The following TRHDE variants were observed in gnomAD, a reference collection of about 807,000 sequenced individuals.
TRHDE encodes the protein thyrotropin releasing hormone degrading enzyme.
Under a neutral mutation model 125.7 loss-of-function variants are expected in TRHDE, and 72 were observed. The ratio of observed to expected loss-of-function variants is 0.57; its 90% CI spans 0.47 to 0.70. TRHDE has a LOEUF of 0.70. Ranked by LOEUF, TRHDE falls within the 30% of genes least tolerant of loss-of-function variation. TRHDE has a pLI of 0.00. For synonymous variants in TRHDE, 509 were observed against 509.1 expected (o/e 1.00, Z 0.00); for missense variants, 1,110 against 1,327.1 (o/e 0.84, Z 2.54).
Position 72,273,098 on chromosome 12 carries a change from G to T in TRHDE, c.455G>T (p.Trp152Leu), listed in dbSNP as rs1879316210. The change falls in exon 1 of 19, where the codon TGG (tryptophan) becomes TTG (leucine). Residue 152 changes from tryptophan (W) to leucine (L), a missense_variant. Trp to Leu is a moderately conservative substitution (Grantham distance 61). Transcript: ENST00000261180. The surrounding 1 kb of genome is among the most constrained non-coding windows in gnomAD (Gnocchi z 5.3). ...RRNHHAGGDS[W>L]QPEAGGVASP... ...AACCACCACGCAGGCGGGGACTCCT[G>T]GCAGCCCGAGGCGGGTGGGGTGGCC... 2 of 1,519,346 alleles carry T rather than the reference G, an allele frequency of 1.3e-6. No individual in the cohort carries two copies. Among genetic ancestry groups the T allele is most frequent in the Middle Eastern group, 1.9e-4 (1 of 5,312 alleles). 94.1% of individuals were successfully genotyped at this position (1,519,346 alleles called of 1,614,324 possible).
chr12:72,090,207 G>A (rs1874758415), intron 1 of TRHDE, among the ~76,000 whole-genome samples: 1 of 152,108 alleles, frequency 6.6e-6, no homozygotes, highest in Non-Finnish European at 1.5e-5. Context: ...GCATAGTTAG[G>A]TAATAATTTA....
intron 2 of TRHDE, among the ~76,000 whole-genome samples, chr12:72,171,510 G>C (rs1566264288): frequency 1.3e-5 from 2 of 152,196 alleles, no homozygotes; most frequent in South Asian, 2.1e-4. Context: ...CTCTGGTTAG[G>C]GGAGATTGGT....
At chr12:72,199,506 G>T (rs1877512682) in intron 2 of TRHDE, among the ~76,000 whole-genome samples, 4 of 152,138 alleles carry the variant, frequency 2.6e-5, no homozygotes, top group Admixed American at 2.6e-4. Flanking sequence ...ATGTTGAAGG[G>T]TCAAAGAAAA....
rs74522142 is a variant in TRHDE at position 72,211,829 on chromosome 12, G to A, written n.279+106077G>A. ...TACCCTGTAGATGAAGTCTTACAAAGTGCATTTATAACATTATTTCATTTG... is the reference window on the plus strand; with the variant it reads ...TACCCTGTAGATGAAGTCTTACAAAATGCATTTATAACATTATTTCATTTG... On this transcript the variant is annotated intron_variant and non_coding_transcript_variant, in intron 2 of 4. Coordinates refer to the TRHDE transcript ENST00000548156. 7.5e-4 allele frequency among the ~76,000 whole-genome samples: 114 copies of A among 152,214 alleles called. 1 individual carries two copies. In the East Asian group the frequency reaches 0.016, roughly 22 times the overall value.
chr12:72,478,922 C>CAAAAAA (rs67346703), intron 5 of TRHDE, among the ~76,000 whole-genome samples: 48 of 105,934 alleles, frequency 4.5e-4, no homozygotes, highest in East Asian at 1.4e-3. Flanking sequence ...TTTTTTTTAG[C>CAAAAAA]AAAAAAAAAA....
At chr12:72,589,674 A>C (rs965807286) in intron 12 of TRHDE, among the ~76,000 whole-genome samples, 1 of 152,098 alleles carries the variant, frequency 6.6e-6, no homozygotes, top group Non-Finnish European at 1.5e-5. Flanking sequence ...CATCTAGGTC[A>C]TTACAGTCAT....
chr12:72,665,785 CA>C lies in TRHDE; in HGVS notation c.*2592del, dbSNP rs1875094049. On this transcript the variant is annotated 3_prime_UTR_variant, in exon 19 of 19. Transcript: ENST00000261180. ...AAAAAGTAGTTTCAATTAGAAAGGA[CA>C]ACATTATTTATCACATTGAGTATTA... 1 of 152,002 alleles carries C rather than the reference CA, an allele frequency of 6.6e-6. No individual in the cohort carries two copies. The highest frequency in any genetic ancestry group is 1.5e-5 in the Non-Finnish European group (1 of 67,974). The allele number at this position is 152,002 out of a possible 1,614,324, so 9.4% of individuals were successfully genotyped here. A position where few individuals can be genotyped will look rare whatever the true frequency, so the allele number is the denominator to read the frequency against.
At chr12:72,362,866 G>C (rs1335985158) in intron 2 of TRHDE, among the ~76,000 whole-genome samples, 2 of 152,032 alleles carry the variant, frequency 1.3e-5, no homozygotes, top group Non-Finnish European at 1.5e-5. Flanking sequence ...TCAAAGATCG[G>C]ATAGTTGTAG....
At chr12:72,372,169 T>C (rs538383880) in intron 2 of TRHDE, among the ~76,000 whole-genome samples, 4 of 152,340 alleles carry the variant, frequency 2.6e-5, no homozygotes, top group African/African-American at 9.6e-5. Context: ...TTCATGTGTC[T>C]TTTGGCTGCA....
intron 1 of TRHDE, among the ~76,000 whole-genome samples, chr12:72,097,371 A>G (rs1284617608): frequency 2.7e-5 from 4 of 150,352 alleles, no homozygotes; most frequent in African/African-American, 9.8e-5. Context: ...GGAAGGCTTT[A>G]AAGTTCTAGA....
At chr12:72,197,500 T>C (rs1164869083) in intron 2 of TRHDE, among the ~76,000 whole-genome samples, 2 of 152,140 alleles carry the variant, frequency 1.3e-5, no homozygotes, top group African/African-American at 4.8e-5. Context: ...GATAATTAAG[T>C]TTATTAATTG....
chr12:72,444,143 T>A (rs1875159408), intron 3 of TRHDE, among the ~76,000 whole-genome samples: 1 of 151,858 alleles, frequency 6.6e-6, no homozygotes. Context: ...AACAAGGTGC[T>A]CCTGATTTTT....
At chr12:72,611,256 T>C in intron 12 of TRHDE, 1 of 168,720 alleles carries the variant, frequency 5.9e-6, no homozygotes, top group South Asian at 1.6e-4. Context: ...CCTCAGTGGC[T>C]TTGCACTAGC....
At chr12:72,132,182 A>T (rs1247361238) in intron 2 of TRHDE, among the ~76,000 whole-genome samples, 1 of 152,210 alleles carries the variant, frequency 6.6e-6, no homozygotes, top group African/African-American at 2.4e-5. Flanking sequence ...TAAGTTGTTT[A>T]ATCAAGTGGG....
intron 2 of TRHDE, among the ~76,000 whole-genome samples, chr12:72,228,618 G>C (rs1317437758): frequency 1.3e-5 from 2 of 152,100 alleles, no homozygotes; most frequent in Non-Finnish European, 2.9e-5. Flanking sequence ...AGTTTTTCTT[G>C]TCTATTGCAT....
At chr12:72,201,646 G>A (rs1877563022) in intron 2 of TRHDE, among the ~76,000 whole-genome samples, 1 of 151,842 alleles carries the variant, frequency 6.6e-6, no homozygotes, top group African/African-American at 2.4e-5. Flanking sequence ...TGGGAAGGGA[G>A]TAAAGCATGC....
chr12:72,364,882 C>A (rs890722222), intron 2 of TRHDE, among the ~76,000 whole-genome samples: 2 of 152,004 alleles, frequency 1.3e-5, no homozygotes, highest in Non-Finnish European at 2.9e-5. Context: ...TTTGATCAGG[C>A]GTAAAATAGA....
intron 12 of TRHDE, among the ~76,000 whole-genome samples, chr12:72,592,803 CG>C (rs781091234): frequency 1.4e-4 from 22 of 151,918 alleles, no homozygotes; most frequent in South Asian, 4.2e-4. Flanking sequence ...CTCCACCTCC[CG>C]GGTTCAAGTG....
chr12:72,429,486 A>G (rs1356742125), intron 3 of TRHDE, among the ~76,000 whole-genome samples: 1 of 151,852 alleles, frequency 6.6e-6, no homozygotes, highest in Non-Finnish European at 1.5e-5. Flanking sequence ...GCTGCTATGA[A>G]TATTCATGTA....
Sources: allele counts gnomAD v4.1 joint callset (sites outside exome capture counted in the v4.1 genomes callset), GRCh38; gene constraint gnomAD v4.1.1; non-coding constraint Gnocchi (gnomAD v3.1); transcripts MANE v1.5; gene names NCBI Gene and HGNC (gene_info 2026-07-23, HGNC 2026-07-21).